Variants in DPY19L3 observed in about 807,000 individuals in gnomAD.
DPY19L3 encodes dpy-19 like C-mannosyltransferase 3, also known as protein C-mannosyl-transferase DPY19L3.
Under a neutral mutation model 92.3 loss-of-function variants are expected in DPY19L3, and 51 were observed. The observed-to-expected ratio is 0.55, with a 90% CI of 0.44 to 0.70. The LOEUF is 0.70. DPY19L3 is among the 30% of genes least tolerant of loss of function. The pLI, the probability that DPY19L3 is intolerant of heterozygous loss-of-function variation, is 0.00. For synonymous variants in DPY19L3, 309 were observed against 315.2 expected (o/e 0.98, Z 0.21); for missense variants, 706 against 855.9 (o/e 0.82, Z 2.18).
chr19:32,462,112 C>A (rs1268656645), intron 12 of DPY19L3, among the ~76,000 whole-genome samples: 1 of 152,128 alleles, frequency 6.6e-6, no homozygotes, highest in East Asian at 1.9e-4. Context: ...ATTATAGCAA[C>A]ATGCCAGCAT....
intron 8 of DPY19L3, among the ~76,000 whole-genome samples, chr19:32,440,431 T>C (rs758998712): frequency 3.4e-4 from 51 of 152,232 alleles, no homozygotes; most frequent in Non-Finnish European, 6.5e-4. Context: ...TGCAAAAATA[T>C]GATTTTATGT....
intron 8 of DPY19L3, among the ~76,000 whole-genome samples, chr19:32,451,610 G>T (rs1414359907): frequency 6.6e-6 from 1 of 152,176 alleles, no homozygotes; most frequent in African/African-American, 2.4e-5. Context: ...TTTTTCACTT[G>T]TCAGAATGAG....
chr19:32,420,269 G>T (rs886784445), intron 3 of DPY19L3, among the ~76,000 whole-genome samples: 4 of 152,196 alleles, frequency 2.6e-5, no homozygotes, highest in Middle Eastern at 3.4e-3. Context: ...GGGCTGAGGG[G>T]TATGGGGTAG....
At chr19:32,438,909 C>T (rs1002392259) in intron 6 of DPY19L3, 9 of 594,460 alleles carry the variant, frequency 1.5e-5, no homozygotes, top group Non-Finnish European at 2.3e-5. Context: ...GGACAGAGCA[C>T]TTAAATGTTC....
At chr19:32,417,606 A>G (rs916249749) in intron 3 of DPY19L3, among the ~76,000 whole-genome samples, 1 of 152,196 alleles carries the variant, frequency 6.6e-6, no homozygotes, top group African/African-American at 2.4e-5. Flanking sequence ...GGTGTGAGCT[A>G]CCACGCCTGG....
chr19:32,478,239 A>C (rs191078673), intron 17 of DPY19L3, among the ~76,000 whole-genome samples: 5 of 152,264 alleles, frequency 3.3e-5, no homozygotes, highest in Admixed American at 3.3e-4. Context: ...CCAGGTCGGG[A>C]CCTCTGCCTG....
In DPY19L3 at chr19:32,480,822, G is replaced by A. The variant is rs1043216364; in HGVS notation, c.1989+265G>A. On this transcript the variant is annotated intron_variant, in intron 18 of 18. Transcript: ENST00000392250. ...GAGCAGCTCTGCCTTCAGCTCATTT[G>A]TATGATGGGGCTCTGCATAAAATGT... 4 of 524,446 alleles carry A rather than the reference G, an allele frequency of 7.6e-6. No homozygotes were observed. In the Admixed American group the frequency reaches 1.5e-4, roughly 19 times the overall value. The allele number at this position is 524,446 out of a possible 1,614,324, so 32.5% of individuals were successfully genotyped here.
At chr19:32,454,866 G>C (rs1399881878) in intron 9 of DPY19L3, 73 bp from the exon 10 acceptor site, 1 of 987,352 alleles carries the variant, frequency 1.0e-6, no homozygotes, top group South Asian at 1.5e-5. Flanking sequence ...AAATCCTTAA[G>C]TAAGCTCATC....
intron 15 of DPY19L3, chr19:32,468,467 C>T (rs1480706919): frequency 8.9e-7 from 1 of 1,118,562 alleles, no homozygotes; most frequent in African/African-American, 1.6e-5. Context: ...TCTATTGGAG[C>T]AAAATAAAAA....
intron 3 of DPY19L3, among the ~76,000 whole-genome samples, chr19:32,430,274 A>C (rs964461646): frequency 6.6e-6 from 1 of 152,096 alleles, no homozygotes; most frequent in Non-Finnish European, 1.5e-5. Flanking sequence ...CTGTAATCCC[A>C]GCTACTTGGA....
At chr19:32,475,045 C>T (rs1970465196) in intron 16 of DPY19L3, among the ~76,000 whole-genome samples, 1 of 152,224 alleles carries the variant, frequency 6.6e-6, no homozygotes, top group Non-Finnish European at 1.5e-5. Context: ...TGTAATTCAT[C>T]CAAGGGCTAT....
At chr19:32,408,387 G>A (rs2012353) in intron 2 of DPY19L3, 31 bp downstream of exon 2, 261,044 of 1,543,030 alleles carry the variant, frequency 0.17, 22,499 homozygotes, top group Admixed American at 0.19. Flanking sequence ...CAGCAATTTG[G>A]GTTGCTTTTA....
intron 17 of DPY19L3, among the ~76,000 whole-genome samples, chr19:32,478,209 C>T (rs866441538): frequency 6.6e-6 from 1 of 151,994 alleles, no homozygotes; most frequent in South Asian, 2.1e-4. Context: ...AAGGACGTGC[C>T]ATTAGACCAC....
chr19:32,406,783 G>T (rs916380260), intron 1 of DPY19L3, among the ~76,000 whole-genome samples: 4 of 152,084 alleles, frequency 2.6e-5, no homozygotes, highest in African/African-American at 9.7e-5. Flanking sequence ...CACATAATTG[G>T]TACTTAAATA....
chr19:32,478,263 A>G (rs908609475), intron 17 of DPY19L3, among the ~76,000 whole-genome samples: 2 of 152,164 alleles, frequency 1.3e-5, no homozygotes, highest in Non-Finnish European at 2.9e-5. Flanking sequence ...ATATCCACTA[A>G]GGACGTGAGG....
chr19:32,422,213 A>G (rs755974750), intron 3 of DPY19L3, among the ~76,000 whole-genome samples: 8 of 152,334 alleles, frequency 5.3e-5, no homozygotes, highest in Non-Finnish European at 8.8e-5. Context: ...GAATAATTTT[A>G]CAGTGGAGAT....
At chr19:32,442,844 A>G (rs746617769) in intron 8 of DPY19L3, among the ~76,000 whole-genome samples, 3 of 152,076 alleles carry the variant, frequency 2.0e-5, no homozygotes, top group Admixed American at 6.5e-5. Context: ...CTAGATTCCT[A>G]CCCTCACCTA....
intron 8 of DPY19L3, among the ~76,000 whole-genome samples, 191 bp from the exon 9 acceptor site, chr19:32,452,954 G>A (rs1039270425): frequency 4.0e-5 from 6 of 150,574 alleles, no homozygotes; most frequent in African/African-American, 9.8e-5. Flanking sequence ...GATCCCACCC[G>A]CCTCGGCCTC....
At position 32,453,137 on chromosome 19, in the gene DPY19L3, T is replaced by A; in HGVS notation, c.856-8T>A. 1 of 1,613,666 alleles carries A rather than the reference T, an allele frequency of 6.2e-7. No homozygotes were observed. The highest frequency in any genetic ancestry group is 8.5e-7 in the Non-Finnish European group (1 of 1,179,902). Reference sequence around the variant, plus strand: ...TGTCTGTACTCATCTAATCTTTGGTTCTTGCAGGCGACATGGCTGTATGGA... The same window carrying A: ...TGTCTGTACTCATCTAATCTTTGGTACTTGCAGGCGACATGGCTGTATGGA... On this transcript the variant is annotated splice_region_variant and splice_polypyrimidine_tract_variant and intron_variant, in intron 8 of 18. Transcript: ENST00000392250.
Sources: allele counts gnomAD v4.1 joint callset (sites outside exome capture counted in the v4.1 genomes callset), GRCh38; gene constraint gnomAD v4.1.1; transcripts MANE v1.5; gene names NCBI Gene and HGNC (gene_info 2026-07-23, HGNC 2026-07-21).